The following WDR7 variants were observed in gnomAD, a reference collection of about 807,000 sequenced individuals.
The protein encoded by WDR7 is WD repeat domain 7, also known as WD repeat-containing protein 7.
WDR7 carries 46 observed loss-of-function variants against 169.4 expected under a neutral mutation model. The observed-to-expected ratio is 0.27, with a 90% CI of 0.21 to 0.35. The LOEUF is 0.35. Among genes scored for constraint, WDR7 ranks in the 10% least tolerant of loss-of-function variants. The pLI is 1.00. For missense variants in WDR7, 1,534 were observed against 1,859.3 expected (o/e 0.83, Z 3.22); for synonymous variants, 612 against 666.8 (o/e 0.92, Z 1.27).
chr18:56,874,453 C>T (rs1248451402), intron 20 of WDR7, among the ~76,000 whole-genome samples: 2 of 151,958 alleles, frequency 1.3e-5, no homozygotes, highest in African/African-American at 4.8e-5. Flanking sequence ...GAGAGAAATG[C>T]ATACTTTGGT....
intron 12 of WDR7, among the ~76,000 whole-genome samples, chr18:56,703,989 G>A (rs1441996493): frequency 1.3e-5 from 2 of 152,056 alleles, no homozygotes; most frequent in Non-Finnish European, 2.9e-5. Context: ...ATGAGGAATA[G>A]GTTTGTACAG....
intron 1 of WDR7, among the ~76,000 whole-genome samples, chr18:56,671,513 CA>C (rs1303486607): frequency 1.3e-5 from 2 of 152,044 alleles, no homozygotes; most frequent in Non-Finnish European, 2.9e-5. Flanking sequence ...TCAGGTGATC[CA>C]CCCACCTTGG....
At chr18:56,983,584 G>A (rs1328056972) in intron 26 of WDR7, among the ~76,000 whole-genome samples, 1 of 151,990 alleles carries the variant, frequency 6.6e-6, no homozygotes, top group Admixed American at 6.6e-5. Context: ...GAGAGAGAGA[G>A]AGAGAGAGAG....
intron 7 of WDR7, among the ~76,000 whole-genome samples, chr18:56,689,300 G>A (rs1443947816): frequency 2.0e-5 from 3 of 151,892 alleles, no homozygotes; most frequent in Non-Finnish European, 2.9e-5. Context: ...TCTTGCTGTC[G>A]CCCAGGCTGG....
chr18:57,024,735 T>C (rs570462753), intron 27 of WDR7, among the ~76,000 whole-genome samples: 10 of 143,836 alleles, frequency 7.0e-5, no homozygotes, highest in Non-Finnish European at 1.1e-4. Flanking sequence ...CATATCCCTA[T>C]TCTCAGACAG....
intron 20 of WDR7, among the ~76,000 whole-genome samples, chr18:56,877,273 A>G (rs905726883): frequency 1.3e-5 from 2 of 152,194 alleles, no homozygotes; most frequent in African/African-American, 2.4e-5. Context: ...AAATGACTCA[A>G]GAAGAAGAAA....
intron 21 of WDR7, among the ~76,000 whole-genome samples, chr18:56,920,844 C>T (rs1370316675): frequency 6.6e-6 from 1 of 152,040 alleles, no homozygotes; most frequent in Admixed American, 6.5e-5. Flanking sequence ...AAGGGAAGAC[C>T]TATCATTATC....
chr18:57,012,542 C>T (rs1406828348), intron 26 of WDR7, among the ~76,000 whole-genome samples: 1 of 152,220 alleles, frequency 6.6e-6, no homozygotes, highest in African/African-American at 2.4e-5. Context: ...GACACTTCTG[C>T]CGGGCAAGCT....
chr18:57,008,541 T>C (rs1327686638), intron 26 of WDR7, among the ~76,000 whole-genome samples: 1 of 152,208 alleles, frequency 6.6e-6, no homozygotes, highest in Non-Finnish European at 1.5e-5. Context: ...GGCCGTTTTC[T>C]TGGACCCCTC....
intron 20 of WDR7, among the ~76,000 whole-genome samples, chr18:56,833,244 TGAAGATC>T (rs1002066140): frequency 6.6e-6 from 1 of 151,716 alleles, no homozygotes. Flanking sequence ...TGTCAGAGAT[TGAAGATC>T]AACTTAATGA....
intron 19 of WDR7, among the ~76,000 whole-genome samples, chr18:56,788,601 G>A (rs1412108706): frequency 6.6e-6 from 1 of 151,996 alleles, no homozygotes; most frequent in Non-Finnish European, 1.5e-5. Flanking sequence ...TCTGCTTGCT[G>A]GACTACTTTC....
intron 1 of WDR7, among the ~76,000 whole-genome samples, chr18:56,656,110 A>G (rs2024763935): frequency 6.6e-6 from 1 of 151,942 alleles, no homozygotes; most frequent in Non-Finnish European, 1.5e-5. Context: ...TTGGGGGATA[A>G]ATGCCCAGGG....
In WDR7 at chr18:57,005,891, A is replaced by T. The variant is rs530059887; in HGVS notation, c.4165-14854A>T. 6.6e-5 allele frequency among the ~76,000 whole-genome samples: 10 copies of T among 152,338 alleles called. No homozygotes were observed. In the East Asian group the frequency reaches 1.2e-3, roughly 18 times the overall value. ...CACATTCAAAGCCATCCTGGGCCGC[A>T]TGTGGCCCATAGACCACAGGTTGGA... On this transcript the variant is annotated intron_variant, in intron 26 of 27. Transcript: ENST00000254442.
chr18:56,847,232 G>C (rs2045581110), intron 20 of WDR7, among the ~76,000 whole-genome samples: 2 of 152,164 alleles, frequency 1.3e-5, no homozygotes, highest in Non-Finnish European at 2.9e-5. Flanking sequence ...GTTACATTGT[G>C]TCCAGACCCT....
Position 56,696,461 on chromosome 18 carries a change from G to T in WDR7, c.1577G>T (p.Ser526Ile). The change falls in exon 12 of 28, where the codon AGT (serine) becomes ATT (isoleucine). Residue 526 changes from serine to isoleucine, a missense_variant and splice_region_variant. Transcript: ENST00000254442. ...CTTCTAGTTCCACCTGAAAACTGTA[G>T]TGTAAGTTGATTTATATAAAAGATT... ...TQLLVPPENCSARVQHCICSV... is the reference protein window; with the variant it reads ...TQLLVPPENCIARVQHCICSV... 1.2e-6 allele frequency: 2 copies of T among 1,607,984 alleles called. No individual in the cohort carries two copies. The highest frequency in any genetic ancestry group is 1.7e-6 in the Non-Finnish European group (2 of 1,176,918).
Position 56,880,016 on chromosome 18 carries a change from C to T in WDR7, c.3377C>T (p.Ala1126Val). 1 of 1,614,102 alleles carries T rather than the reference C, an allele frequency of 6.2e-7. No homozygotes were observed. Among genetic ancestry groups the T allele is most frequent in the East Asian group, 2.2e-5 (1 of 44,868 alleles). ...SYEERRKQAT[A>V]IVLLGVIGAE... is the part of the protein sequence containing the mutation. ...GAGGAAAGACGGAAGCAAGCTACCG[C>T]TATTGTTTTACTTGGAGTAATAGGA... The change falls in exon 21 of 28, where the codon GCT becomes GTT. Residue 1126 changes from alanine to valine, a missense_variant. Transcript: ENST00000254442.
chr18:56,708,562 G>A (rs1371580482), intron 12 of WDR7, among the ~76,000 whole-genome samples: 1 of 152,134 alleles, frequency 6.6e-6, no homozygotes, highest in Admixed American at 6.5e-5. Flanking sequence ...AAGGTTTGTG[G>A]GCATGGACAG....
At chr18:56,691,588 C>A in intron 8 of WDR7, 127 bp from the exon 9 acceptor site, 1 of 878,588 alleles carries the variant, frequency 1.1e-6, no homozygotes, top group Non-Finnish European at 1.6e-6. Flanking sequence ...TAATTTAATG[C>A]CTGCATTAAA....
chr18:56,992,684 C>T (rs2047835837), intron 26 of WDR7, among the ~76,000 whole-genome samples: 1 of 152,136 alleles, frequency 6.6e-6, no homozygotes, highest in Non-Finnish European at 1.5e-5. Flanking sequence ...TAATGCAAAC[C>T]TAGTCAAATG....
Sources: allele counts gnomAD v4.1 joint callset (sites outside exome capture counted in the v4.1 genomes callset), GRCh38; gene constraint gnomAD v4.1.1; transcripts MANE v1.5; gene names NCBI Gene and HGNC (gene_info 2026-07-23, HGNC 2026-07-21).